The following RCAN3 variants were observed in gnomAD, a reference collection of about 807,000 sequenced individuals.
RCAN3 encodes regulator of calcineurin 3, also known as calcipressin-3.
RCAN3 carries 19 observed loss-of-function variants against 21.9 expected under a neutral mutation model. That is an observed-to-expected ratio of 0.87 (90% CI 0.61 to 1.27). The LOEUF (loss-of-function observed/expected upper bound fraction) is 1.27, where lower values mean the gene tolerates loss of function less well. Ranked by LOEUF, RCAN3 falls within the 50% of genes most tolerant of loss-of-function variation. The pLI is 0.00. For synonymous variants in RCAN3, 114 were observed against 112.3 expected (o/e 1.01, Z -0.09); for missense variants, 240 against 300.1 (o/e 0.80, Z 1.48).
intron 2 of RCAN3, among the ~76,000 whole-genome samples, chr1:24,528,880 G>A (rs2148908990): frequency 6.6e-6 from 1 of 152,258 alleles, no homozygotes; most frequent in Middle Eastern, 3.4e-3. Flanking sequence ...GTACCAAACA[G>A]CTGCGCAAAC....
At chr1:24,523,237 G>C (rs981368882) in intron 2 of RCAN3, among the ~76,000 whole-genome samples, 1 of 152,014 alleles carries the variant, frequency 6.6e-6, no homozygotes, top group African/African-American at 2.4e-5. Context: ...CTAATTTTTT[G>C]TATTTTTAGT....
chr1:24,520,608 C>G (rs558652461), intron 2 of RCAN3, among the ~76,000 whole-genome samples: 195 of 147,160 alleles, frequency 1.3e-3, no homozygotes, highest in African/African-American at 4.8e-3. Flanking sequence ...TGCATGTTCT[C>G]ACTCATAGGT....
intron 1 of RCAN3, among the ~76,000 whole-genome samples, chr1:24,511,609 A>G (rs1031278000): frequency 6.6e-6 from 1 of 152,224 alleles, no homozygotes; most frequent in African/African-American, 2.4e-5. Flanking sequence ...AACAATTACA[A>G]TGGTAACATC....
rs141332385 is a variant in RCAN3 at position 24,523,711 on chromosome 1, G to A, written c.196-7507G>A. Among the ~76,000 whole-genome samples, 1,496 of 150,166 alleles carry A rather than the reference G, an allele frequency of 1.0e-2. 8 individuals carry two copies. The highest frequency in any genetic ancestry group is 0.015 in the Non-Finnish European group (988 of 67,714). ...GGCTGGAGTGCAGTGGTACAATCTC[G>A]GCCCACTGCAACCTCCCCTTCCTGG... On this transcript the variant is annotated intron_variant, in intron 2 of 4. Transcript: ENST00000374395.
intron 2 of RCAN3, among the ~76,000 whole-genome samples, chr1:24,527,282 C>T (rs1649355292): frequency 1.3e-5 from 2 of 152,256 alleles, no homozygotes; most frequent in South Asian, 4.1e-4. Flanking sequence ...GGAATACAGG[C>T]GTGAGCTACC....
At chr1:24,513,279 A>AT (rs1476818936) in intron 1 of RCAN3, among the ~76,000 whole-genome samples, 1 of 151,970 alleles carries the variant, frequency 6.6e-6, no homozygotes, top group Non-Finnish European at 1.5e-5. Context: ...ATTTTCTTTA[A>AT]TTTTTTGTAG....
At chr1:24,509,960 TCTC>T (rs149238827) in intron 1 of RCAN3, among the ~76,000 whole-genome samples, 2,438 of 152,300 alleles carry the variant, frequency 0.016, 63 homozygotes, top group African/African-American at 0.054. Flanking sequence ...AGAACATTCA[TCTC>T]CCTGTATATT....
intron 2 of RCAN3, among the ~76,000 whole-genome samples, chr1:24,530,232 A>G (rs1649638939): frequency 1.3e-5 from 2 of 151,384 alleles, no homozygotes; most frequent in East Asian, 2.0e-4. Context: ...GCAGGTGCCT[A>G]TAGTCCCAGC....
At chr1:24,517,871 C>A (rs1648470398) in intron 2 of RCAN3, among the ~76,000 whole-genome samples, 1 of 151,738 alleles carries the variant, frequency 6.6e-6, no homozygotes, top group African/African-American at 2.4e-5. Context: ...TCAAATGTTT[C>A]CTTTACATTT....
intron 2 of RCAN3, among the ~76,000 whole-genome samples, chr1:24,526,612 AATAC>A (rs1276159587): frequency 2.0e-5 from 3 of 152,240 alleles, no homozygotes; most frequent in Non-Finnish European, 4.4e-5. Flanking sequence ...GGCTAGGGAT[AATAC>A]ATGAGCCTTT....
In RCAN3 at chr1:24,533,078, T is replaced by A; in HGVS notation, c.370-5T>A. 1 of 1,440,894 alleles carries A rather than the reference T, an allele frequency of 6.9e-7. No homozygotes were observed. The highest frequency in any genetic ancestry group is 9.1e-7 in the Non-Finnish European group (1 of 1,094,492). 89.3% of individuals were successfully genotyped at this position (1,440,894 alleles called of 1,614,324 possible). Reference sequence around the variant, plus strand: ...AACTGGCTTTGAGCGTCTCGCTCCCTGCAGGTGCAGATGTCCGGCGAAGTG... The same window carrying A: ...AACTGGCTTTGAGCGTCTCGCTCCCAGCAGGTGCAGATGTCCGGCGAAGTG... On this transcript the variant is annotated splice_polypyrimidine_tract_variant and splice_region_variant and intron_variant, in intron 3 of 4. Coordinates refer to ENST00000374395, the MANE Select transcript of RCAN3 (RefSeq NM_013441.4).
chr1:24,508,059 C>G (rs1647581078), intron 1 of RCAN3, among the ~76,000 whole-genome samples: 1 of 152,038 alleles, frequency 6.6e-6, no homozygotes, highest in Non-Finnish European at 1.5e-5. Flanking sequence ...GATCGCGCCA[C>G]TGCGCCGAGA....
intron 2 of RCAN3, among the ~76,000 whole-genome samples, chr1:24,516,647 T>A (rs1450357081): frequency 6.6e-6 from 1 of 152,122 alleles, no homozygotes; most frequent in African/African-American, 2.4e-5. Flanking sequence ...GCTTGTCCTT[T>A]TGTGGGAAAC....
At chr1:24,518,083 G>A (rs1648485276) in intron 2 of RCAN3, among the ~76,000 whole-genome samples, 1 of 152,128 alleles carries the variant, frequency 6.6e-6, no homozygotes, top group Non-Finnish European at 1.5e-5. Flanking sequence ...CCAGCACTTT[G>A]GGAGGCCGAG....
intron 1 of RCAN3, among the ~76,000 whole-genome samples, chr1:24,504,269 C>T (rs1428810702): frequency 1.3e-5 from 2 of 152,188 alleles, no homozygotes; most frequent in African/African-American, 2.4e-5. Context: ...TCACTGCAGC[C>T]TCAACTTCCC....
chr1:24,505,237 T>TC (rs1647345579), intron 1 of RCAN3, among the ~76,000 whole-genome samples: 2 of 141,350 alleles, frequency 1.4e-5, no homozygotes, highest in African/African-American at 5.5e-5. Flanking sequence ...TTTTTCTTTT[T>TC]TTTTTTTTTT....
At chr1:24,529,295 G>A (rs1649545603) in intron 2 of RCAN3, among the ~76,000 whole-genome samples, 1 of 151,612 alleles carries the variant, frequency 6.6e-6, no homozygotes, top group South Asian at 2.1e-4. Flanking sequence ...GCTCATGCCT[G>A]TAATCCCAGC....
chr1:24,505,225 C>CTTTTTTTTTTTTTTTT (rs1351108344), intron 1 of RCAN3, among the ~76,000 whole-genome samples: 7 of 109,562 alleles, frequency 6.4e-5, no homozygotes, highest in South Asian at 2.9e-4. Context: ...TTTTTTTTCT[C>CTTTTTTTTTTTTTTTT]TTTTTTCTTT....
intron 2 of RCAN3, among the ~76,000 whole-genome samples, chr1:24,527,403 C>T (rs949263879): frequency 6.6e-6 from 1 of 152,102 alleles, no homozygotes; most frequent in African/African-American, 2.4e-5. Context: ...CACTGAAAAG[C>T]CAGACTGAGT....
Sources: allele counts gnomAD v4.1 joint callset (sites outside exome capture counted in the v4.1 genomes callset), GRCh38; gene constraint gnomAD v4.1.1; transcripts MANE v1.5; gene names NCBI Gene and HGNC (gene_info 2026-07-23, HGNC 2026-07-21).